The following KIF2A variants were observed in gnomAD, a reference collection of about 807,000 sequenced individuals.
KIF2A encodes kinesin family member 2A, also known as kinesin-like protein KIF2A.
A neutral mutation model predicts 100.2 loss-of-function variants in KIF2A; 22 were observed. The observed-to-expected ratio is 0.22, with a 90% confidence interval of 0.16 to 0.31. The LOEUF (loss-of-function observed/expected upper bound fraction) is 0.31. Among genes scored for constraint, KIF2A ranks in the 10% least tolerant of loss-of-function variants. The pLI is 1.00. For missense variants in KIF2A, 495 were observed against 898.7 expected (o/e 0.55, Z 5.74); for synonymous variants, 268 against 285.9 (o/e 0.94, Z 0.63).
In KIF2A at chr5:62,373,730, C is replaced by T. The variant is rs771417898; in HGVS notation, c.1804C>T (p.Arg602Cys). 9.3e-6 allele frequency: 15 copies of T among 1,613,028 alleles called. No individual in the cohort carries two copies. Among genetic ancestry groups the T allele is most frequent in the Non-Finnish European group, 1.2e-5 (14 of 1,179,224 alleles). Residue 602 changes from arginine to cysteine, a missense_variant, in exon 18 of 21, where the codon CGT becomes TGT. By Grantham distance (180) the Arg-to-Cys change is radical. Around this residue, in one of 10 missense-constraint regions of KIF2A, gnomAD observed 100 missense variants for 138.2 expected, o/e 0.72. Coordinates refer to ENST00000407818, the MANE Select transcript of KIF2A (RefSeq NM_001098511.3). Reference protein sequence around the residue: ...TVDPTAAGDVRPIMHHPPNQI... With the variant: ...TVDPTAAGDVCPIMHHPPNQI... ...AGATCCAACTGCTGCTGGTGATGTT[C>T]GTCCAATAATGCACCATCCACCAAA...
At chr5:62,379,329 A>G (rs1378570005) in intron 19 of KIF2A, among the ~76,000 whole-genome samples, 1 of 152,076 alleles carries the variant, frequency 6.6e-6, no homozygotes, top group Non-Finnish European at 1.5e-5. Context: ...GTTTTGTTAA[A>G]CCAAAATTAA....
intron 1 of KIF2A, among the ~76,000 whole-genome samples, chr5:62,307,424 T>A (rs1428494682): frequency 6.6e-6 from 1 of 152,062 alleles, no homozygotes; most frequent in African/African-American, 2.4e-5. Context: ...AGGTTTCTCT[T>A]GGGGAAAATG....
intron 1 of KIF2A, among the ~76,000 whole-genome samples, chr5:62,312,222 A>G (rs138230551): frequency 6.6e-6 from 1 of 152,338 alleles, no homozygotes; most frequent in African/African-American, 2.4e-5. Flanking sequence ...GATTCTTATG[A>G]CAAAGATTTT....
chr5:62,310,256 G>A (rs1490688932), intron 1 of KIF2A, among the ~76,000 whole-genome samples: 2 of 151,834 alleles, frequency 1.3e-5, no homozygotes, highest in Non-Finnish European at 2.9e-5. Context: ...TTTTTGCCAC[G>A]TTGGCCAGGC....
chr5:62,373,690 C>T lies in KIF2A; in HGVS notation c.1764C>T (p.Val588=), dbSNP rs1466903607. The T allele has an allele frequency of 6.2e-7, 1 of 1,612,346 alleles. No homozygotes were observed. Among genetic ancestry groups the T allele is most frequent in the Non-Finnish European group, 8.5e-7 (1 of 1,178,792 alleles). Reference sequence around the variant, plus strand: ...GATACCTCTTATGTATTTATAGGGTCAAAGAATTGACTGTAGATCCAACTG... The same window carrying T: ...GATACCTCTTATGTATTTATAGGGTTAAAGAATTGACTGTAGATCCAACTG... The part of the protein sequence containing the change: ...YDDFSPSVTR[V]KELTVDPTAA... Residue 588 remains valine, a synonymous_variant, in exon 18 of 21, where the codon GTC becomes GTT. Transcript: ENST00000407818.
At chr5:62,321,943 C>T (rs887114584) in intron 1 of KIF2A, among the ~76,000 whole-genome samples, 1 of 151,842 alleles carries the variant, frequency 6.6e-6, no homozygotes, top group Non-Finnish European at 1.5e-5. Flanking sequence ...TTTTTTGAGA[C>T]AGCGTCTCAC....
intron 1 of KIF2A, among the ~76,000 whole-genome samples, chr5:62,339,759 A>T (rs568870147): frequency 1.3e-5 from 2 of 150,208 alleles, no homozygotes; most frequent in East Asian, 3.9e-4. Context: ...AAAAAATAGT[A>T]TTGAGCAAAA....
intron 1 of KIF2A, among the ~76,000 whole-genome samples, chr5:62,336,568 A>G (rs1746963635): frequency 6.6e-6 from 1 of 152,254 alleles, no homozygotes; most frequent in African/African-American, 2.4e-5. Context: ...CATCATGAAA[A>G]TTAGAAAAAT....
At position 62,338,367 on chromosome 5, in the gene KIF2A, C is replaced by A. The variant is rs1458674415; in HGVS notation, c.65-8763C>A. The stretch of plus-strand genomic sequence containing the variant: ...GCAGAGGCACAATCTTGGCTCACTT[C>A]AACCTCTGCCTCCCGGGCTCAAGCA... On this transcript the variant is annotated intron_variant, in intron 1 of 20. Coordinates refer to ENST00000407818, the MANE Select transcript of KIF2A (RefSeq NM_001098511.3). 2.0e-5 allele frequency among the ~76,000 whole-genome samples: 3 copies of A among 152,220 alleles called. No individual in the cohort carries two copies. The East Asian group carries it at 5.8e-4, about 29-fold the overall frequency.
intron 1 of KIF2A, among the ~76,000 whole-genome samples, chr5:62,320,051 A>G (rs1281221010): frequency 6.6e-6 from 1 of 152,112 alleles, no homozygotes; most frequent in Non-Finnish European, 1.5e-5. Context: ...ATATATCTCT[A>G]TCTACATGTA....
chr5:62,382,376 G>T (rs1187676254), intron 20 of KIF2A, among the ~76,000 whole-genome samples: 7 of 152,100 alleles, frequency 4.6e-5, no homozygotes, highest in Admixed American at 3.9e-4. Flanking sequence ...AGGAGTTTGA[G>T]GCTGCAGTGA....
intron 9 of KIF2A, among the ~76,000 whole-genome samples, chr5:62,358,921 T>C (rs1327727831): frequency 1.3e-5 from 2 of 152,258 alleles, no homozygotes; most frequent in African/African-American, 4.8e-5. Context: ...TCTGCCCGCC[T>C]TGGCTTCCCA....
intron 19 of KIF2A, among the ~76,000 whole-genome samples, chr5:62,379,816 T>C (rs1741700331): frequency 6.6e-6 from 1 of 152,238 alleles, no homozygotes; most frequent in Non-Finnish European, 1.5e-5. Flanking sequence ...AAATTGAGAT[T>C]GTATGCATCC....
intron 16 of KIF2A, 33 bp downstream of exon 16, chr5:62,366,514 AG>A: frequency 8.0e-7 from 1 of 1,244,808 alleles, no homozygotes. Flanking sequence ...TTGAAATTTG[AG>A]GGGAGTACAG....
At chr5:62,346,740 GA>G (rs1321261651) in intron 1 of KIF2A, among the ~76,000 whole-genome samples, 1 of 151,908 alleles carries the variant, frequency 6.6e-6, no homozygotes, top group Non-Finnish European at 1.5e-5. Context: ...ACTGTCTCAG[GA>G]AAAAAAATTT....
intron 1 of KIF2A, among the ~76,000 whole-genome samples, chr5:62,313,027 A>C (rs1455496775): frequency 6.6e-6 from 1 of 151,942 alleles, no homozygotes; most frequent in Non-Finnish European, 1.5e-5. Flanking sequence ...TTTTTATTGC[A>C]GATTTCATTG....
At chr5:62,385,329 A>T (rs1388256801) in intron 20 of KIF2A, among the ~76,000 whole-genome samples, 155 bp from the exon 21 acceptor site, 1 of 152,260 alleles carries the variant, frequency 6.6e-6, no homozygotes, top group Non-Finnish European at 1.5e-5. Flanking sequence ...TGAGCATTCT[A>T]TTTAGTTCCG....
intron 1 of KIF2A, among the ~76,000 whole-genome samples, chr5:62,313,051 T>A (rs1160132012): frequency 1.3e-5 from 2 of 152,164 alleles, no homozygotes; most frequent in Admixed American, 1.3e-4. Context: ...ATACTTCTAT[T>A]AACAGCCTGC....
chr5:62,332,290 T>TGG (rs1360646634), intron 1 of KIF2A, among the ~76,000 whole-genome samples: 7 of 152,332 alleles, frequency 4.6e-5, no homozygotes, highest in Admixed American at 4.6e-4. Context: ...TTCCATGTAT[T>TGG]TATTTTTCTT....
Sources: gnomAD v4.1 joint callset for allele counts (sites outside exome capture counted in the v4.1 genomes callset) on GRCh38, gnomAD v4.1.1 for gene constraint, gnomAD v4.1.1 regional missense constraint, MANE v1.5 for transcripts, NCBI Gene and HGNC (gene_info 2026-07-23, HGNC 2026-07-21) for gene names.